The following KCNN2 variants were observed in gnomAD, a reference collection of about 807,000 sequenced individuals.
KCNN2 encodes the protein potassium calcium-activated channel subfamily N member 2.
In KCNN2, 24 loss-of-function variants were observed where a neutral mutation model predicts 55.5. The ratio of observed to expected loss-of-function variants is 0.43; its 90% confidence interval spans 0.31 to 0.61. The LOEUF is 0.61. Among genes scored for constraint, KCNN2 ranks in the 20% least tolerant of loss-of-function variants. KCNN2 has a pLI of 0.08. For synonymous variants in KCNN2, 431 were observed against 336.1 expected (o/e 1.28, Z -3.09); for missense variants, 754 against 853.6 (o/e 0.88, Z 1.45).
At chr5:114,150,168 A>C (rs1179775119) in intron 1 of KCNN2, among the ~76,000 whole-genome samples, 1 of 152,212 alleles carries the variant, frequency 6.6e-6, no homozygotes, top group East Asian at 1.9e-4. Context: ...TTGTATTTAC[A>C]ATAATCAGGA....
intron 3 of KCNN2, among the ~76,000 whole-genome samples, chr5:114,457,803 G>A (rs1490936579): frequency 6.6e-6 from 1 of 152,202 alleles, no homozygotes; most frequent in African/African-American, 2.4e-5. Flanking sequence ...AGCTGCACCT[G>A]AGAGATTCTC....
At chr5:114,400,955 G>A (rs891411484) in intron 2 of KCNN2, among the ~76,000 whole-genome samples, 1 of 149,204 alleles carries the variant, frequency 6.7e-6, no homozygotes. Flanking sequence ...ATTTCTTTAC[G>A]TCTGCTTTCT....
chr5:114,160,317 A>T (rs1360335922), intron 1 of KCNN2, among the ~76,000 whole-genome samples: 1 of 152,084 alleles, frequency 6.6e-6, no homozygotes, highest in African/African-American at 2.4e-5. Flanking sequence ...AGCGGCTTTG[A>T]GTGAGTTTCT....
intron 1 of KCNN2, among the ~76,000 whole-genome samples, chr5:114,134,636 C>T (rs907920068): frequency 4.6e-5 from 7 of 152,078 alleles, no homozygotes; most frequent in Admixed American, 2.0e-4. Context: ...CCACGGCTCC[C>T]GGCAAATTTT....
chr5:114,240,590 C>T (rs538297646), intron 2 of KCNN2, among the ~76,000 whole-genome samples: 3 of 151,958 alleles, frequency 2.0e-5, no homozygotes, highest in Non-Finnish European at 4.4e-5. Context: ...CGTCACCATG[C>T]CCGTCTAATT....
chr5:114,148,776 C>A (rs546104520), intron 1 of KCNN2, among the ~76,000 whole-genome samples: 199 of 152,188 alleles, frequency 1.3e-3, no homozygotes, highest in African/African-American at 4.6e-3. Flanking sequence ...TCACCAGGTT[C>A]CTCCTCTTGG....
At chr5:114,083,591 C>A (rs984549894) in intron 1 of KCNN2, among the ~76,000 whole-genome samples, 2 of 151,864 alleles carry the variant, frequency 1.3e-5, no homozygotes, top group African/African-American at 4.8e-5. Flanking sequence ...ATATGGAGTT[C>A]CCATGTACCT....
At chr5:114,188,926 T>A (rs978121733) in intron 1 of KCNN2, among the ~76,000 whole-genome samples, 8 of 152,190 alleles carry the variant, frequency 5.3e-5, no homozygotes, top group African/African-American at 1.9e-4. Context: ...TTGGGAGTTT[T>A]TGGCAATTTG....
At chr5:114,209,080 A>G (rs1753827087) in intron 1 of KCNN2, among the ~76,000 whole-genome samples, 1 of 148,972 alleles carries the variant, frequency 6.7e-6, no homozygotes, top group Admixed American at 6.7e-5. Flanking sequence ...TTTTTGAGAC[A>G]GGGTCTCGCT....
intron 2 of KCNN2, among the ~76,000 whole-genome samples, chr5:114,324,218 T>G (rs1756673229): frequency 6.6e-6 from 1 of 152,224 alleles, no homozygotes; most frequent in Non-Finnish European, 1.5e-5. Flanking sequence ...AGTATTGTGG[T>G]AAGCAGAATA....
intron 2 of KCNN2, among the ~76,000 whole-genome samples, chr5:114,378,140 C>T (rs913961722): frequency 5.9e-5 from 9 of 152,142 alleles, no homozygotes; most frequent in Admixed American, 5.2e-4. Context: ...GGGCCAAGTC[C>T]GCCCCCTGAA....
chr5:114,099,644 G>T (rs1751334765), intron 1 of KCNN2, among the ~76,000 whole-genome samples: 1 of 151,996 alleles, frequency 6.6e-6, no homozygotes, highest in Non-Finnish European at 1.5e-5. Flanking sequence ...ACCTGACTTA[G>T]AGTCTTTTCA....
intron 1 of KCNN2, among the ~76,000 whole-genome samples, chr5:114,221,048 G>C (rs917365114): frequency 6.6e-5 from 10 of 152,186 alleles, no homozygotes; most frequent in African/African-American, 2.4e-4. Flanking sequence ...ATTCAACTCT[G>C]TATGCATTAT....
At chr5:114,457,889 A>G (rs763371284) in intron 3 of KCNN2, among the ~76,000 whole-genome samples, 5 of 152,236 alleles carry the variant, frequency 3.3e-5, no homozygotes, top group Non-Finnish European at 7.3e-5. Flanking sequence ...CTTTGTTGCT[A>G]GATAACCAAT....
At chr5:114,476,381 C>T (rs570140525) in intron 5 of KCNN2, among the ~76,000 whole-genome samples, 19 of 151,410 alleles carry the variant, frequency 1.3e-4, no homozygotes, top group South Asian at 8.4e-4. Flanking sequence ...CTCTTGAGAC[C>T]GGAGTCTCTT....
chr5:114,404,333 G>A, intron 2 of KCNN2, 105 bp from the exon 3 acceptor site: 1 of 840,944 alleles, frequency 1.2e-6, no homozygotes, highest in East Asian at 2.4e-5. Flanking sequence ...CCTTTAGCTT[G>A]CCATGATTGC....
intron 2 of KCNN2, among the ~76,000 whole-genome samples, chr5:114,400,117 G>A (rs534024754): frequency 3.3e-5 from 5 of 151,896 alleles, no homozygotes; most frequent in African/African-American, 9.7e-5. Flanking sequence ...ATTTCCTTCA[G>A]TTCAGCCTGG....
chr5:114,067,351 A>G (rs1750472507), intron 1 of KCNN2, among the ~76,000 whole-genome samples: 1 of 152,202 alleles, frequency 6.6e-6, no homozygotes, highest in South Asian at 2.1e-4. Flanking sequence ...CTCACCCCAG[A>G]CTGGCTCAGT....
chr5:114,092,019 C>G (rs1751154940), intron 1 of KCNN2, among the ~76,000 whole-genome samples: 1 of 152,188 alleles, frequency 6.6e-6, no homozygotes, highest in Admixed American at 6.5e-5. Context: ...GCCTTCCTAA[C>G]AGTTTCCTAA....
Sources: allele counts gnomAD v4.1 joint callset (sites outside exome capture counted in the v4.1 genomes callset), GRCh38; gene constraint gnomAD v4.1.1; transcripts MANE v1.5; gene names NCBI Gene and HGNC (gene_info 2026-07-23, HGNC 2026-07-21).